TNC: variants seen among roughly 807,000 people sequenced by gnomAD.
TNC encodes the protein tenascin.
A neutral mutation model predicts 202.4 loss-of-function variants in TNC; 109 were observed. The observed-to-expected ratio is 0.54, with a 90% CI of 0.46 to 0.63. The LOEUF is 0.63. Among genes scored for constraint, TNC ranks in the 30% least tolerant of loss-of-function variants. TNC has a pLI of 0.00. For missense variants in TNC, 2,756 were observed against 2,833.3 expected, an observed-to-expected ratio of 0.97 and a Z score of 0.62; for synonymous variants, 1,007 against 1,089.7, an observed-to-expected ratio of 0.92 and a Z score of 1.50.
At chr9:115,036,385 T>TA in intron 20 of TNC, 144 bp from the exon 21 acceptor site, 131 of 880,864 alleles carry the variant, frequency 1.5e-4, no homozygotes, top group South Asian at 4.5e-4. Flanking sequence ...CTGAAATGAC[T>TA]CACGCTCTCT....
chr9:115,085,781 A>G, intron 3 of TNC, 83 bp downstream of exon 3: 1 of 1,232,340 alleles, frequency 8.1e-7, no homozygotes, highest in Non-Finnish European at 1.1e-6. Context: ...GAATGTTTAT[A>G]TATATAAACG....
At chr9:115,088,135 C>A (rs767736909) in intron 2 of TNC, among the ~76,000 whole-genome samples, 1 of 152,226 alleles carries the variant, frequency 6.6e-6, no homozygotes, top group Non-Finnish European at 1.5e-5. Flanking sequence ...GGGATTTAGA[C>A]TATCTGGAGC....
chr9:115,071,608 C>T (rs898899329), intron 10 of TNC, among the ~76,000 whole-genome samples: 3 of 152,102 alleles, frequency 2.0e-5, no homozygotes, highest in Non-Finnish European at 4.4e-5. Context: ...ATGTGGCCAT[C>T]ACCAGAAGGT....
chr9:115,041,182 T>C, intron 18 of TNC, 98 bp from the exon 19 acceptor site: 1 of 1,340,622 alleles, frequency 7.5e-7, no homozygotes. Context: ...GAAATGAAAC[T>C]ATATCTTCAT....
chr9:115,037,434 G>A (rs2131849006), intron 20 of TNC, among the ~76,000 whole-genome samples: 1 of 152,312 alleles, frequency 6.6e-6, no homozygotes, highest in East Asian at 1.9e-4. Flanking sequence ...TAGTTTGCTG[G>A]TGCTCTAAAC....
At chr9:115,076,142 T>C (rs779613740) in intron 8 of TNC, 21 bp from the exon 9 acceptor site, 1 of 1,606,248 alleles carries the variant, frequency 6.2e-7, no homozygotes, top group South Asian at 1.1e-5. Context: ...AATGTGCAAG[T>C]TGAGATTCAT....
rs763538728 is a variant in TNC at position 115,038,297 on chromosome 9, C to T, written c.5476G>A (p.Val1826Met). The change falls in exon 20 of 28, where the codon GTG becomes ATG. Residue 1826 changes from valine to methionine, a missense_variant. Physicochemically the swap from Val to Met is conservative, Grantham distance 21 (BLOSUM62 1). Around this residue, in one of 2 missense-constraint regions of TNC, gnomAD observed 2,559 missense variants for 2,546.0 expected, o/e 1.01. Transcript: ENST00000350763. ...GTGTAGGAGATGACATAACTGTCCA[C>T]AGTGGCAATGGCTGGCTGCCACCTG... ...LARWQPAIAT[V>M]DSYVISYTGE... 4.3e-6 allele frequency: 7 copies of T among 1,614,072 alleles called. No homozygotes were observed. The East Asian group carries it at 1.6e-4, about 36-fold the overall frequency.
At chr9:115,091,871 GT>G (rs1453682915) in intron 1 of TNC, among the ~76,000 whole-genome samples, 1 of 152,162 alleles carries the variant, frequency 6.6e-6, no homozygotes, top group Non-Finnish European at 1.5e-5. Flanking sequence ...CAAAAGTCCA[GT>G]TTTTAGAAGA....
chr9:115,082,076 T>C, intron 5 of TNC, 148 bp from the exon 6 acceptor site: 3 of 702,286 alleles, frequency 4.3e-6, no homozygotes, highest in Non-Finnish European at 6.7e-6. Context: ...GTATGTAAGC[T>C]ACTGAGGATA....
rs10982531 is a variant in TNC at position 115,100,720 on chromosome 9, C to T, written c.-136-9566G>A. Among the ~76,000 whole-genome samples, 1,465 of 152,106 alleles carry T rather than the reference C, an allele frequency of 9.6e-3. 59 individuals carry two copies. The East Asian group carries it at 0.11, about 12-fold the overall frequency. The stretch of plus-strand genomic sequence containing the variant: ...TCAAATTTGCTAAGATAGTAGTAGA[C>T]CTTAAGTGTCTTTATCATTGACACA... On this transcript the variant is annotated intron_variant, in intron 1 of 27. Transcript: ENST00000350763.
At position 115,041,053 on chromosome 9, in the gene TNC, G is replaced by C; in HGVS notation, c.5280C>G (p.Thr1760=). ...GTTTCACCAGCCTGGTCTGAGTCTTGGTTCCGTCCACAGTTACCATGGAGG... is the reference window on the plus strand; with the variant it reads ...GTTTCACCAGCCTGGTCTGAGTCTTCGTTCCGTCCACAGTTACCATGGAGG... The part of the protein sequence containing the change: ...GTPSMVTVDG[T]KTQTRLVKLI... Residue 1760 remains threonine, a synonymous_variant, in exon 19 of 28, where the codon ACC becomes ACG. Coordinates refer to ENST00000350763, the MANE Select transcript of TNC (RefSeq NM_002160.4). 1 of 1,613,974 alleles carries C rather than the reference G, an allele frequency of 6.2e-7. No individual in the cohort carries two copies. The highest frequency in any genetic ancestry group is 8.5e-7 in the Non-Finnish European group (1 of 1,179,958).
At chr9:115,062,335 G>A (rs978928876) in intron 13 of TNC, among the ~76,000 whole-genome samples, 2 of 152,138 alleles carry the variant, frequency 1.3e-5, no homozygotes, top group African/African-American at 2.4e-5. Context: ...GGTAGGGCAC[G>A]CTGGCTCATG....
Position 115,076,017 on chromosome 9 carries a change from C to T in TNC, c.2950+15G>A, listed in dbSNP as rs1349033624. 5 of 1,609,628 alleles carry T rather than the reference C, an allele frequency of 3.1e-6. No individual in the cohort carries two copies. The highest frequency in any genetic ancestry group is 4.3e-6 in the Non-Finnish European group (5 of 1,175,926). On this transcript the variant is annotated intron_variant, in intron 9 of 27. Transcript: ENST00000350763. ...GCACCAGCTCAGTGGGATGGGAATT[C>T]CAGGTGTGCCCCACCTGTGGCTGCG...
chr9:115,076,523 G>A lies in TNC; in HGVS notation c.2727C>T (p.Ile909=). 1.2e-6 allele frequency: 2 copies of A among 1,614,240 alleles called. No individual in the cohort carries two copies. Among genetic ancestry groups the A allele is most frequent in the South Asian group, 1.1e-5 (1 of 91,088 alleles). Residue 909 remains isoleucine (I), a synonymous_variant, in exon 8 of 28, where the codon ATC becomes ATT. Coordinates refer to ENST00000350763, the MANE Select transcript of TNC (RefSeq NM_002160.4). The part of the protein sequence containing the change: ...LRRVSQTDNS[I]TLEWRNGKAA... ...CCTTGCCATTCCTCCATTCCAGGGT[G>A]ATGCTGTTATCTGTCTGGGAAACAC...
rs866729657 is a variant in TNC at position 115,026,630 on chromosome 9, G to T, written c.6235C>A (p.His2079Asn). ...TAGACAGCAAAGGCTGTCTCCCCAT[G>T]GTCCCGCAGGTCCACCCGGAGCTCG... is the stretch of plus-strand genomic sequence containing the variant. ...QYELRVDLRD[H>N]GETAFAVYDK... Residue 2079 changes from histidine (H) to asparagine (N), a missense_variant, in exon 26 of 28, where the codon CAT becomes AAT. Coordinates refer to ENST00000350763, the MANE Select transcript of TNC (RefSeq NM_002160.4). The T allele has an allele frequency of 1.9e-6, 3 of 1,613,768 alleles. No individual in the cohort carries two copies. The highest frequency in any genetic ancestry group is 2.7e-5 in the African/African-American group (2 of 74,838).
rs141537862 is a variant in TNC at position 115,038,528 on chromosome 9, C to G, written c.5393-148G>C. 24 of 1,048,340 alleles carry G rather than the reference C, an allele frequency of 2.3e-5. No homozygotes were observed. The African/African-American group carries it at 3.6e-4, about 16-fold the overall frequency. 64.9% of individuals were successfully genotyped at this position (1,048,340 alleles called of 1,614,324 possible). A position where few individuals can be genotyped will look rare whatever the true frequency, so the allele number is the denominator to read the frequency against. On this transcript the variant is annotated intron_variant, in intron 19 of 27. Transcript: ENST00000350763. ...TTCAGAGACCTAAGCCTGGAGCCAG[C>G]CTGACCTGGCTTTGAGTAATGACTC...
At chr9:115,048,595 A>G in intron 15 of TNC, 63 bp from the exon 16 acceptor site, 1 of 1,509,622 alleles carries the variant, frequency 6.6e-7, no homozygotes, top group Non-Finnish European at 8.9e-7. Context: ...AGGATAGCAC[A>G]CGTTTCCAAG....
At chr9:115,021,928 G>A (rs1308251203) in intron 27 of TNC, among the ~76,000 whole-genome samples, 1 of 152,170 alleles carries the variant, frequency 6.6e-6, no homozygotes, top group Admixed American at 6.5e-5. Context: ...TCACAGAGCT[G>A]GGCACGTCGT....
intron 20 of TNC, among the ~76,000 whole-genome samples, chr9:115,037,928 A>T (rs969804651): frequency 6.6e-6 from 1 of 152,198 alleles, no homozygotes; most frequent in African/African-American, 2.4e-5. Context: ...TCTGGTTAAG[A>T]TTTTAGATTC....
Sources: gnomAD v4.1 joint callset for allele counts (sites outside exome capture counted in the v4.1 genomes callset) on GRCh38, gnomAD v4.1.1 for gene constraint, gnomAD v4.1.1 regional missense constraint, MANE v1.5 for transcripts, NCBI Gene and HGNC (gene_info 2026-07-23, HGNC 2026-07-21) for gene names.